Variants in ANO3 observed in about 807,000 individuals in gnomAD.
The protein encoded by ANO3 is anoctamin-3.
A neutral mutation model predicts 144.8 loss-of-function variants in ANO3; 99 were observed. The observed-to-expected ratio is 0.68, with a 90% CI of 0.58 to 0.81. The LOEUF (loss-of-function observed/expected upper bound fraction) is 0.81, where lower values mean the gene tolerates loss of function less well. ANO3 is among the 30% of genes least tolerant of loss of function. The pLI is 0.00. For synonymous variants in ANO3, 414 were observed against 392.6 expected (o/e 1.05, Z -0.64); for missense variants, 905 against 1,202.2 (o/e 0.75, Z 3.66).
chr11:26,614,216 A>G (rs1329170909), intron 17 of ANO3, among the ~76,000 whole-genome samples: 1 of 152,220 alleles, frequency 6.6e-6, no homozygotes, highest in Non-Finnish European at 1.5e-5. Context: ...CAGGCTAGGT[A>G]TAAGCACTCA....
intron 4 of ANO3, among the ~76,000 whole-genome samples, chr11:26,484,871 A>G (rs1474706821): frequency 1.3e-5 from 2 of 152,172 alleles, no homozygotes; most frequent in African/African-American, 4.8e-5. Context: ...CGTGAAGTCA[A>G]AGGAGATTAT....
At chr11:26,567,186 A>G in intron 14 of ANO3, 1 of 1,219,334 alleles carries the variant, frequency 8.2e-7, no homozygotes, top group Non-Finnish European at 1.1e-6. Flanking sequence ...AACTGACTCC[A>G]ATCTCATTAG....
chr11:26,414,986 A>G (rs1482379828), intron 1 of ANO3, among the ~76,000 whole-genome samples: 2 of 151,654 alleles, frequency 1.3e-5, no homozygotes, highest in Admixed American at 6.6e-5. Flanking sequence ...CCACCACTAT[A>G]CTTGTGACAA....
At chr11:26,299,380 T>G (rs960435643) in intron 1 of ANO3, among the ~76,000 whole-genome samples, 1 of 152,208 alleles carries the variant, frequency 6.6e-6, no homozygotes, top group East Asian at 1.9e-4. Flanking sequence ...AGTGAAGTGA[T>G]AAGAGGAAAA....
intron 1 of ANO3, among the ~76,000 whole-genome samples, chr11:26,193,750 ATATAATAATTGAATACT>A (rs1313711074): frequency 2.0e-5 from 3 of 152,210 alleles, no homozygotes; most frequent in Admixed American, 6.5e-5. Flanking sequence ...TCTGAGCTAC[ATATAATAATTGAATACT>A]TATAATAATT....
chr11:26,653,801 C>T (rs557378804), intron 24 of ANO3, among the ~76,000 whole-genome samples: 6 of 152,174 alleles, frequency 3.9e-5, no homozygotes, highest in African/African-American at 1.2e-4. Flanking sequence ...AAGGACTCTA[C>T]GTGAAATTTT....
chr11:26,522,335 C>G (rs1394845246), intron 6 of ANO3, among the ~76,000 whole-genome samples: 1 of 152,030 alleles, frequency 6.6e-6, no homozygotes, highest in Admixed American at 6.5e-5. Flanking sequence ...AAAATAGGAG[C>G]ATGGGGGTCA....
At chr11:26,649,389 G>A (rs1392926864) in intron 24 of ANO3, among the ~76,000 whole-genome samples, 1 of 152,156 alleles carries the variant, frequency 6.6e-6, no homozygotes, top group Non-Finnish European at 1.5e-5. Flanking sequence ...TGCTTATCCT[G>A]TATTCTGCTT....
intron 1 of ANO3, among the ~76,000 whole-genome samples, chr11:26,379,184 G>C (rs535135436): frequency 6.6e-4 from 101 of 152,190 alleles, no homozygotes; most frequent in African/African-American, 2.4e-3. Flanking sequence ...GAGACTATCA[G>C]GTTTTTACAA....
At chr11:26,491,245 T>C (rs1306217085) in intron 4 of ANO3, among the ~76,000 whole-genome samples, 1 of 152,134 alleles carries the variant, frequency 6.6e-6, no homozygotes, top group Non-Finnish European at 1.5e-5. Context: ...ATTTTAAGGG[T>C]TAGTTATAAA....
intron 14 of ANO3, chr11:26,561,169 A>G (rs747196019): frequency 6.2e-7 from 1 of 1,612,770 alleles, no homozygotes; most frequent in Non-Finnish European, 8.5e-7. Context: ...GGATTGTAGT[A>G]GCTAGAATTC....
intron 20 of ANO3, 79 bp downstream of exon 20, chr11:26,635,149 A>G: frequency 7.5e-7 from 1 of 1,330,686 alleles, no homozygotes; most frequent in African/African-American, 1.4e-5. Flanking sequence ...GAGCTGAAGA[A>G]AGGAGAAGTT....
intron 1 of ANO3, among the ~76,000 whole-genome samples, chr11:26,300,830 CTTTA>C (rs1455225995): frequency 1.3e-5 from 2 of 149,988 alleles, no homozygotes; most frequent in African/African-American, 2.5e-5. Flanking sequence ...TACTTCTTTA[CTTTA>C]TTTATTTCTT....
intron 1 of ANO3, among the ~76,000 whole-genome samples, chr11:26,411,146 T>C (rs935493339): frequency 6.6e-6 from 1 of 152,042 alleles, no homozygotes; most frequent in Non-Finnish European, 1.5e-5. Flanking sequence ...AAATCTTTCA[T>C]TATTTTATCT....
At chr11:26,327,820 A>T (rs975141187), upstream of ANO3, among the ~76,000 whole-genome samples, 2 of 152,230 alleles carry the variant, frequency 1.3e-5, no homozygotes, top group African/African-American at 4.8e-5. Flanking sequence ...TATCCACAGG[A>T]TGTATGGGAC....
chr11:26,575,992 G>T (rs572378490), intron 14 of ANO3, among the ~76,000 whole-genome samples: 25 of 152,270 alleles, frequency 1.6e-4, no homozygotes, highest in Non-Finnish European at 2.6e-4. Context: ...TTTTGCTGAC[G>T]TGATCATAGT....
chr11:26,310,800 T>G (rs1854486721), intron 1 of ANO3, among the ~76,000 whole-genome samples: 1 of 152,224 alleles, frequency 6.6e-6, no homozygotes, highest in Non-Finnish European at 1.5e-5. Context: ...ACCATGAGTC[T>G]ACCTTAGGAA....
rs7943086 is a variant in ANO3 at position 26,634,111 on chromosome 11, G to A, written c.1874-93G>A. On this transcript the variant is annotated intron_variant, in intron 18 of 26. Coordinates refer to ENST00000256737, the MANE Select transcript of ANO3 (RefSeq NM_031418.4). Reference sequence around the variant, plus strand: ...AAAAAAAAAAAAATTAAATTAAAAAGACAAACTTGAACTTGGGGTTTCTGC... The same window carrying A: ...AAAAAAAAAAAAATTAAATTAAAAAAACAAACTTGAACTTGGGGTTTCTGC... The A allele has an allele frequency of 0.42, 226,404 of 534,660 alleles. 49,757 individuals carry two copies. Among genetic ancestry groups the A allele is most frequent in the South Asian group, 0.52 (15,229 of 29,442 alleles). 33.1% of individuals were successfully genotyped at this position (534,660 alleles called of 1,614,324 possible). A position where few individuals can be genotyped will look rare whatever the true frequency, so the allele number is the denominator to read the frequency against.
At position 26,346,683 on chromosome 11, in the gene ANO3, C is replaced by T. The variant is rs12146495; in HGVS notation, c.46+14362C>T. 8.2e-3 allele frequency among the ~76,000 whole-genome samples: 1,245 copies of T among 152,258 alleles called. 8 individuals are homozygous for T. Among genetic ancestry groups the T allele is most frequent in the Non-Finnish European group, 0.012 (832 of 68,004 alleles). On this transcript the variant is annotated intron_variant, in intron 1 of 26. Transcript: ENST00000256737. Reference sequence around the variant, plus strand: ...CTTTTGGGTTTCTGCAAATACTTATCGAATGCCTACCAAGTGCCAGGTACT... The same window carrying T: ...CTTTTGGGTTTCTGCAAATACTTATTGAATGCCTACCAAGTGCCAGGTACT...
Sources: gnomAD v4.1 joint callset for allele counts (sites outside exome capture counted in the v4.1 genomes callset) on GRCh38, gnomAD v4.1.1 for gene constraint, MANE v1.5 for transcripts, NCBI Gene and HGNC (gene_info 2026-07-23, HGNC 2026-07-21) for gene names.